LAMA3: variants seen among roughly 807,000 people sequenced by gnomAD.
LAMA3 encodes laminin subunit alpha-3.
In LAMA3, 281 loss-of-function variants were observed where a neutral mutation model predicts 402.0. That is an observed-to-expected ratio of 0.70 (90% confidence interval 0.63 to 0.77). LAMA3 has a LOEUF of 0.77. Among genes scored for constraint, LAMA3 ranks in the 30% least tolerant of loss-of-function variants. The probability of loss-of-function intolerance (pLI) is 0.00; values close to 1 mark genes in which losing one functional copy is unlikely to be tolerated. For missense variants in LAMA3, 3,840 were observed against 4,215.5 expected (o/e 0.91, Z 2.47); for synonymous variants, 1,431 against 1,558.4 (o/e 0.92, Z 1.93).
rs190146476 is a variant in LAMA3 at position 23,761,002 on chromosome 18, G to A, written c.1064-2403G>A. 6.4e-4 allele frequency among the ~76,000 whole-genome samples: 97 copies of A among 152,162 alleles called. 1 individual carries two copies. Among genetic ancestry groups the A allele is most frequent in the African/African-American group, 1.9e-3 (77 of 41,502 alleles). ...GTTTCACCTATGAATTTGGGGTGGGGGGGGCACAAGCGTTCGGACCATAGC... is the reference window on the plus strand; with the variant it reads ...GTTTCACCTATGAATTTGGGGTGGGAGGGGCACAAGCGTTCGGACCATAGC... On this transcript the variant is annotated intron_variant, in intron 7 of 74. Coordinates refer to ENST00000313654, the MANE Select transcript of LAMA3 (RefSeq NM_198129.4).
At chr18:23,777,713 G>T in intron 11 of LAMA3, 94 bp downstream of exon 11, 1 of 965,710 alleles carries the variant, frequency 1.0e-6, no homozygotes, top group Non-Finnish European at 1.7e-6. Flanking sequence ...CCAAGGCCAA[G>T]TCTCCCTTCC....
intron 2 of LAMA3, among the ~76,000 whole-genome samples, chr18:23,746,823 G>A (rs2143508766): frequency 6.6e-6 from 1 of 151,564 alleles, no homozygotes; most frequent in South Asian, 2.1e-4. Context: ...CATTGTCCTA[G>A]ATTTTTTGGC....
chr18:23,750,227 A>G (rs1021038174), intron 4 of LAMA3, among the ~76,000 whole-genome samples: 3 of 152,164 alleles, frequency 2.0e-5, no homozygotes, highest in African/African-American at 7.2e-5. Context: ...ATTTCCATGG[A>G]AATTGTGAGG....
At chr18:23,748,796 GAAAA>G (rs397941089) in intron 3 of LAMA3, among the ~76,000 whole-genome samples, 8 of 131,198 alleles carry the variant, frequency 6.1e-5, no homozygotes, top group African/African-American at 2.3e-4. Context: ...CTCCATCTTG[GAAAA>G]AAAAAAAAAA....
chr18:23,837,084 C>T lies in LAMA3; in HGVS notation c.3088C>T (p.Leu1030Phe), dbSNP rs781548114. The change falls in exon 25 of 75, where the codon CTT (leucine) becomes TTT (phenylalanine). Residue 1030 changes from leucine (L) to phenylalanine (F), a missense_variant. By Grantham distance (22) the Leu-to-Phe change is conservative. Around this residue, in one of 3 missense-constraint regions of LAMA3, gnomAD observed 2,109 missense variants for 2,376.0 expected, o/e 0.89. Transcript: ENST00000313654. Reference sequence around the variant, plus strand: ...GCTCAAGGGACACATGGCCCGATTCCTTCTGGTATGCTTCTGTTTTGCCCA... The same window carrying T: ...GCTCAAGGGACACATGGCCCGATTCTTTCTGGTATGCTTCTGTTTTGCCCA... ...IQLKGHMARF[L>F]LHQVCIIPIE... 1 of 1,600,790 alleles carries T rather than the reference C, an allele frequency of 6.2e-7. No homozygotes were observed. Among genetic ancestry groups the T allele is most frequent in the South Asian group, 1.1e-5 (1 of 90,710 alleles).
intron 17 of LAMA3, among the ~76,000 whole-genome samples, 182 bp from the exon 18 acceptor site, chr18:23,816,206 G>A (rs935842595): frequency 3.3e-5 from 5 of 152,096 alleles, no homozygotes; most frequent in South Asian, 4.1e-4. Flanking sequence ...TTCCAAGCGC[G>A]GACACACCAT....
chr18:23,733,500 G>C (rs928824559), intron 2 of LAMA3, among the ~76,000 whole-genome samples: 1 of 152,074 alleles, frequency 6.6e-6, no homozygotes, highest in Admixed American at 6.5e-5. Flanking sequence ...AGAACAGTAC[G>C]GGAGAAACTC....
intron 12 of LAMA3, among the ~76,000 whole-genome samples, chr18:23,799,591 C>T (rs2062830438): frequency 6.6e-6 from 1 of 152,188 alleles, no homozygotes; most frequent in Non-Finnish European, 1.5e-5. Context: ...GAGCTGCCAC[C>T]ACTGCGCTCC....
At position 23,827,511 on chromosome 18, in the gene LAMA3, C is replaced by T. The variant is rs753954819; in HGVS notation, c.2823+44C>T. ...TATTATCAAAGTTATTACTACCTCCCCATCTGTATCTGCTAAAAATACTTG... is the reference window on the plus strand; with the variant it reads ...TATTATCAAAGTTATTACTACCTCCTCATCTGTATCTGCTAAAAATACTTG... On this transcript the variant is annotated intron_variant, in intron 23 of 74. Coordinates refer to ENST00000313654, the MANE Select transcript of LAMA3 (RefSeq NM_198129.4). The T allele has an allele frequency of 1.7e-5, 27 of 1,596,494 alleles. No individual in the cohort carries two copies. The East Asian group carries it at 1.8e-4, about 11-fold the overall frequency.
chr18:23,894,561 A>G (rs1436795158), intron 43 of LAMA3, among the ~76,000 whole-genome samples: 5 of 152,236 alleles, frequency 3.3e-5, no homozygotes, highest in African/African-American at 1.2e-4. Context: ...TTGCTAAGTT[A>G]ACATGATAAC....
chr18:23,763,412 C>G lies in LAMA3; in HGVS notation c.1071C>G (p.Asn357Lys), dbSNP rs903920127. The change falls in exon 8 of 75, where the codon AAC becomes AAG. Residue 357 changes from asparagine (N) to lysine (K), a missense_variant. Around this residue, in one of 3 missense-constraint regions of LAMA3, gnomAD observed 2,109 missense variants for 2,376.0 expected, o/e 0.89. Coordinates refer to ENST00000313654, the MANE Select transcript of LAMA3 (RefSeq NM_198129.4). ...WEQSHECEAC[N>K]CHGHASNCYY... ...ATTATGCTTTTTTTTCAGCATGCAA[C>G]TGCCACGGCCATGCCAGCAACTGTT... The G allele has an allele frequency of 6.2e-7, 1 of 1,610,392 alleles. No individual in the cohort carries two copies. Among genetic ancestry groups the G allele is most frequent in the African/African-American group, 1.3e-5 (1 of 74,948 alleles).
chr18:23,807,480 G>GTA (rs1471102345), intron 12 of LAMA3, among the ~76,000 whole-genome samples: 4 of 151,096 alleles, frequency 2.6e-5, no homozygotes, highest in African/African-American at 9.8e-5. Context: ...GTGTGTGTAT[G>GTA]TGTGTGTGTC....
At chr18:23,714,975 GA>G (rs2145916625) in intron 2 of LAMA3, among the ~76,000 whole-genome samples, 1 of 152,174 alleles carries the variant, frequency 6.6e-6, no homozygotes, top group African/African-American at 2.4e-5. Flanking sequence ...TTAAGGTCTT[GA>G]AAACATCAGG....
Position 23,827,406 on chromosome 18 carries a change from C to T in LAMA3, c.2762C>T (p.Pro921Leu). 6.2e-7 allele frequency: 1 copy of T among 1,614,178 alleles called. No homozygotes were observed. Among genetic ancestry groups the T allele is most frequent in the Middle Eastern group, 1.6e-4 (1 of 6,062 alleles). ...RHFLLDGEPR[P>L]VAVRQPTPAH... is the part of the protein sequence containing the mutation. Reference sequence around the variant, plus strand: ...TTCCTGCTTGATGGGGAGCCAAGACCCGTGGCAGTGAGGCAGCCCACACCT... The same window carrying T: ...TTCCTGCTTGATGGGGAGCCAAGACTCGTGGCAGTGAGGCAGCCCACACCT... The change falls in exon 23 of 75, where the codon CCC becomes CTC. Residue 921 changes from proline (P) to leucine (L), a missense_variant. Transcript: ENST00000313654.
In LAMA3 at chr18:23,769,960, TATC is replaced by T. The variant is rs377279074; in HGVS notation, c.1183-3535_1183-3533del. ...AAACATTAGAAGGATAGAGTAAAAA[TATC>T]AGGCAAAGTAAACTTTAAGACAAAG... On this transcript the variant is annotated intron_variant, in intron 8 of 74. Transcript: ENST00000313654. Among the ~76,000 whole-genome samples, 37 of 152,256 alleles carry T rather than the reference TATC, an allele frequency of 2.4e-4. No homozygotes were observed. The East Asian group carries it at 4.8e-3, about 20-fold the overall frequency.
intron 42 of LAMA3, among the ~76,000 whole-genome samples, chr18:23,891,969 T>C (rs1394589759): frequency 3.9e-5 from 6 of 152,184 alleles, no homozygotes; most frequent in African/African-American, 1.4e-4. Flanking sequence ...CGAGGAAGGA[T>C]TGACCAGGGC....
chr18:23,799,383 G>C (rs2062827058), intron 12 of LAMA3, among the ~76,000 whole-genome samples: 1 of 152,228 alleles, frequency 6.6e-6, no homozygotes, highest in African/African-American at 2.4e-5. Flanking sequence ...GTTGGTGTTT[G>C]GGATTTGGCA....
chr18:23,912,804 T>C lies in LAMA3; in HGVS notation c.7252T>C (p.Leu2418=). 6.2e-7 allele frequency: 1 copy of C among 1,613,934 alleles called. No individual in the cohort carries two copies. The highest frequency in any genetic ancestry group is 8.5e-7 in the Non-Finnish European group (1 of 1,179,772). ...TTTGAAAGGATATACATCTCTGTCC[T>C]TGTTTCTCCAAAGGCCCAACTCAAG... The part of the protein sequence containing the change: ...EDLKGYTSLS[L]FLQRPNSREN... Residue 2418 remains leucine, a synonymous_variant, in exon 56 of 75, where the codon TTG becomes CTG. Transcript: ENST00000313654.
At chr18:23,850,207 T>C (rs2063912652) in intron 32 of LAMA3, among the ~76,000 whole-genome samples, 1 of 152,218 alleles carries the variant, frequency 6.6e-6, no homozygotes, top group Non-Finnish European at 1.5e-5. Flanking sequence ...ACTGCAAAGC[T>C]GAAAAATTGC....
Sources: gnomAD v4.1 joint callset for allele counts (sites outside exome capture counted in the v4.1 genomes callset) on GRCh38, gnomAD v4.1.1 for gene constraint, gnomAD v4.1.1 regional missense constraint, MANE v1.5 for transcripts, NCBI Gene and HGNC (gene_info 2026-07-23, HGNC 2026-07-21) for gene names.